FRMD3: variants seen among roughly 807,000 people sequenced by gnomAD.
The protein encoded by FRMD3 is FERM domain containing 3, also known as FERM domain-containing protein 3.
FRMD3 carries 33 observed loss-of-function variants against 70.2 expected under a neutral mutation model. The observed-to-expected ratio is 0.47, with a 90% CI of 0.36 to 0.63. The LOEUF is 0.63. Ranked by LOEUF, FRMD3 falls within the 20% of genes least tolerant of loss-of-function variation. FRMD3 has a pLI of 0.00. For synonymous variants in FRMD3, 279 were observed against 255.9 expected (o/e 1.09, Z -0.86); for missense variants, 632 against 711.4 (o/e 0.89, Z 1.27).
intron 10 of FRMD3, among the ~76,000 whole-genome samples, chr9:83,308,791 C>T (rs1835236676): frequency 6.6e-6 from 1 of 152,170 alleles, no homozygotes. Flanking sequence ...ATTTTCAATA[C>T]ACTGAAGCCT....
intron 1 of FRMD3, among the ~76,000 whole-genome samples, chr9:83,416,759 C>CTCTCTCTCTG (rs1463378881): frequency 6.3e-5 from 7 of 111,542 alleles, no homozygotes; most frequent in Non-Finnish European, 9.1e-5. Context: ...CTCTCTCTCT[C>CTCTCTCTCTG]TCTCTCTCTC....
At chr9:83,327,740 C>T (rs1272073979) in intron 6 of FRMD3, among the ~76,000 whole-genome samples, 2 of 152,082 alleles carry the variant, frequency 1.3e-5, no homozygotes, top group East Asian at 1.9e-4. Context: ...ACATTCAGAT[C>T]GATTTGCATC....
chr9:83,298,845 C>G (rs768697927), intron 11 of FRMD3, 29 bp from the exon 12 acceptor site: 2 of 1,595,350 alleles, frequency 1.3e-6, no homozygotes, highest in Admixed American at 1.7e-5. Flanking sequence ...CATGTGTATG[C>G]ACACATAGTC....
chr9:83,371,379 T>C (rs1474858927), intron 3 of FRMD3, among the ~76,000 whole-genome samples: 4 of 151,934 alleles, frequency 2.6e-5, no homozygotes, highest in African/African-American at 9.7e-5. Context: ...TGCAGTGGCA[T>C]GATCTCTGCT....
At chr9:83,397,092 A>G (rs1825828685) in intron 1 of FRMD3, among the ~76,000 whole-genome samples, 1 of 152,196 alleles carries the variant, frequency 6.6e-6, no homozygotes, top group Non-Finnish European at 1.5e-5. Flanking sequence ...TCTATCAGTC[A>G]GCATAGCGTT....
intron 1 of FRMD3, among the ~76,000 whole-genome samples, chr9:83,436,999 G>A (rs1176683264): frequency 4.6e-5 from 7 of 152,156 alleles, no homozygotes; most frequent in Non-Finnish European, 1.0e-4. Context: ...CTGTTCAGAT[G>A]TTGACCACAG....
chr9:83,467,755 C>G, intron 1 of FRMD3: 1 of 1,501,548 alleles, frequency 6.7e-7, no homozygotes, highest in Non-Finnish European at 8.9e-7. Context: ...AATCTAAGCT[C>G]GCTGCAGTTT....
At chr9:83,263,618 T>G (rs1380075377) in intron 13 of FRMD3, among the ~76,000 whole-genome samples, 1 of 152,130 alleles carries the variant, frequency 6.6e-6, no homozygotes, top group Non-Finnish European at 1.5e-5. Context: ...GTGTAAATAT[T>G]GGAAAGTAAG....
chr9:83,362,179 CTCT>C (rs2131225724), intron 3 of FRMD3, among the ~76,000 whole-genome samples: 1 of 20,682 alleles, frequency 4.8e-5, no homozygotes, highest in Admixed American at 6.9e-4. Context: ...TGTTGGTTCT[CTCT>C]CTCTCTCTCT....
intron 3 of FRMD3, among the ~76,000 whole-genome samples, chr9:83,365,229 T>A (rs1038060524): frequency 2.6e-5 from 4 of 152,212 alleles, no homozygotes; most frequent in African/African-American, 9.6e-5. Flanking sequence ...ATTGAATGTA[T>A]ATATTAATTT....
At chr9:83,372,382 AAAAAG>A (rs1825003824) in intron 3 of FRMD3, among the ~76,000 whole-genome samples, 1 of 151,440 alleles carries the variant, frequency 6.6e-6, no homozygotes, top group African/African-American at 2.4e-5. Flanking sequence ...AAAAAAAAAA[AAAAAG>A]AAGTTCAGAA....
At chr9:83,342,721 T>C (rs902454855) in intron 5 of FRMD3, among the ~76,000 whole-genome samples, 3 of 148,486 alleles carry the variant, frequency 2.0e-5, no homozygotes, top group Admixed American at 6.7e-5. Flanking sequence ...GATAGATAGA[T>C]AGATAGATAG....
intron 10 of FRMD3, among the ~76,000 whole-genome samples, chr9:83,307,266 G>A (rs1835168877): frequency 1.3e-5 from 2 of 152,144 alleles, no homozygotes; most frequent in Non-Finnish European, 2.9e-5. Flanking sequence ...AATGTGTCAG[G>A]TCCTCAAAAA....
At chr9:83,481,717 T>C (rs1828570598) in intron 1 of FRMD3, among the ~76,000 whole-genome samples, 1 of 152,118 alleles carries the variant, frequency 6.6e-6, no homozygotes, top group Admixed American at 6.5e-5. Context: ...AAATGTAACA[T>C]GGAAAAGAGG....
At chr9:83,442,495 T>G (rs1331092318) in intron 1 of FRMD3, among the ~76,000 whole-genome samples, 1 of 152,036 alleles carries the variant, frequency 6.6e-6, no homozygotes, top group Non-Finnish European at 1.5e-5. Flanking sequence ...TGACCTCAAG[T>G]GATCCACCCA....
At chr9:83,549,571 G>A in the FRMD3 span, among the ~76,000 whole-genome samples, 18 of 152,240 alleles carry the variant, frequency 1.2e-4, no homozygotes, top group South Asian at 4.1e-4. Flanking sequence ...CACCAACAGC[G>A]TATAAGAGTT....
At chr9:83,406,978 C>G (rs1379633395) in intron 1 of FRMD3, among the ~76,000 whole-genome samples, 1 of 152,184 alleles carries the variant, frequency 6.6e-6, no homozygotes, top group Admixed American at 6.5e-5. Flanking sequence ...GTGAATAAAG[C>G]CCTTCTCACC....
intron 13 of FRMD3, among the ~76,000 whole-genome samples, chr9:83,285,353 A>G (rs1834163174): frequency 6.6e-6 from 1 of 152,218 alleles, no homozygotes; most frequent in Non-Finnish European, 1.5e-5. Context: ...CAATAAAGAT[A>G]CTTTCTCGAT....
intron 3 of FRMD3, among the ~76,000 whole-genome samples, chr9:83,372,646 A>G (rs981611771): frequency 1.3e-5 from 2 of 152,036 alleles, no homozygotes; most frequent in African/African-American, 2.4e-5. Flanking sequence ...TAACCATCCA[A>G]TTCCAAAGCC....
Sources: gnomAD v4.1 joint callset for allele counts (sites outside exome capture counted in the v4.1 genomes callset) on GRCh38, gnomAD v4.1.1 for gene constraint, MANE v1.5 for transcripts, NCBI Gene and HGNC (gene_info 2026-07-23, HGNC 2026-07-21) for gene names.